RASA2: variants seen among roughly 807,000 people sequenced by gnomAD.
The protein encoded by RASA2 is ras GTPase-activating protein 2.
RASA2 carries 155 observed loss-of-function variants against 118.2 expected under a neutral mutation model. The observed-to-expected ratio is 1.31, with a 90% CI of 1.15 to 1.50. The LOEUF is 1.50. RASA2 is among the 40% of genes most tolerant of loss of function. The pLI, the probability that RASA2 is intolerant of heterozygous loss-of-function variation, is 0.00. For missense variants in RASA2, 1,016 were observed against 1,009.6 expected, an observed-to-expected ratio of 1.01 and a Z score of -0.09; for synonymous variants, 353 against 349.1, an observed-to-expected ratio of 1.01 and a Z score of -0.12.
intron 1 of RASA2, among the ~76,000 whole-genome samples, chr3:141,508,513 G>A (rs1287676596): frequency 4.6e-5 from 7 of 152,050 alleles, no homozygotes; most frequent in Admixed American, 2.6e-4. Flanking sequence ...AAGTAGCTGG[G>A]ACCACAGGCA....
intron 7 of RASA2, among the ~76,000 whole-genome samples, chr3:141,557,881 A>T (rs1315783916): frequency 6.6e-6 from 1 of 152,196 alleles, no homozygotes; most frequent in Non-Finnish European, 1.5e-5. Context: ...AAAATAGAAG[A>T]GTAGGGAAGA....
chr3:141,534,030 T>C (rs1316523208), intron 4 of RASA2, among the ~76,000 whole-genome samples: 2 of 152,216 alleles, frequency 1.3e-5, no homozygotes, highest in Non-Finnish European at 2.9e-5. Flanking sequence ...GTCCTAGTTA[T>C]CATCTATTTC....
At chr3:141,591,757 C>T (rs2083288296) in intron 19 of RASA2, among the ~76,000 whole-genome samples, 1 of 151,084 alleles carries the variant, frequency 6.6e-6, no homozygotes, top group Non-Finnish European at 1.5e-5. Context: ...CCAGCCCTAC[C>T]CTAGCTCATA....
chr3:141,557,174 A>AG (rs1412189591), intron 7 of RASA2, among the ~76,000 whole-genome samples: 2 of 152,222 alleles, frequency 1.3e-5, no homozygotes, highest in African/African-American at 4.8e-5. Context: ...CTGCTGTAGC[A>AG]GGAGTACTTG....
chr3:141,584,352 A>G lies in RASA2; in HGVS notation c.1753-1673A>G, dbSNP rs986170789. On this transcript the variant is annotated intron_variant, in intron 17 of 23. Transcript: ENST00000286364. ...TCCCAAAAAAAAAAAAAAAAAAAAA[A>G]AAAGAAAGGAAAAAGGAATCGTTCC... Among the ~76,000 whole-genome samples, 842 of 148,890 alleles carry G rather than the reference A, an allele frequency of 5.7e-3. 9 individuals are homozygous for G. Among genetic ancestry groups the G allele is most frequent in the African/African-American group, 0.02 (791 of 39,426 alleles).
intron 1 of RASA2, 116 bp downstream of exon 1, chr3:141,487,332 GGGGCCTGGGCCGGGCGCGGTTGA>G: frequency 8.6e-7 from 1 of 1,158,464 alleles, no homozygotes. Flanking sequence ...GGCCCGGGAG[GGGGCCTGGGCCGGGCGCGGTTGA>G]GGCTGGAAGG....
At chr3:141,529,680 CTTATA>C in intron 3 of RASA2, 23 bp from the exon 4 acceptor site, 1 of 1,506,144 alleles carries the variant, frequency 6.6e-7, no homozygotes, top group Non-Finnish European at 9.2e-7. Context: ...AGCATGTTTT[CTTATA>C]TTGTTTTACT....
At chr3:141,554,003 A>C in intron 6 of RASA2, 63 bp downstream of exon 6, 2 of 1,546,610 alleles carry the variant, frequency 1.3e-6, no homozygotes, top group Non-Finnish European at 1.7e-6. Context: ...AAATTTAAAA[A>C]GTAAGATTCT....
intron 1 of RASA2, among the ~76,000 whole-genome samples, chr3:141,487,688 G>A (rs933029567): frequency 6.6e-6 from 1 of 152,234 alleles, no homozygotes; most frequent in African/African-American, 2.4e-5. Flanking sequence ...TGGCGGGCTG[G>A]GAAGTGGGGC....
chr3:141,516,781 T>G (rs919722048), intron 3 of RASA2, among the ~76,000 whole-genome samples: 4 of 143,018 alleles, frequency 2.8e-5, no homozygotes, highest in Non-Finnish European at 6.1e-5. Flanking sequence ...TCTTTTTTTG[T>G]TTTTTTTTTT....
At chr3:141,519,819 C>T (rs1306963046) in intron 3 of RASA2, among the ~76,000 whole-genome samples, 3 of 151,872 alleles carry the variant, frequency 2.0e-5, no homozygotes, top group Non-Finnish European at 2.9e-5. Context: ...GAGTAAGACT[C>T]GTTGCTCATC....
intron 5 of RASA2, among the ~76,000 whole-genome samples, chr3:141,547,124 G>T (rs1336464150): frequency 6.6e-6 from 1 of 152,156 alleles, no homozygotes; most frequent in Non-Finnish European, 1.5e-5. Context: ...TTTGAAATCA[G>T]ATAATTGTGA....
intron 5 of RASA2, among the ~76,000 whole-genome samples, chr3:141,552,872 C>T (rs2082594561): frequency 6.6e-6 from 1 of 152,140 alleles, no homozygotes; most frequent in African/African-American, 2.4e-5. Context: ...TACTTTTCAG[C>T]AACACTCATG....
chr3:141,543,409 A>C (rs1299138987), intron 5 of RASA2, among the ~76,000 whole-genome samples: 2 of 152,168 alleles, frequency 1.3e-5, no homozygotes, highest in Non-Finnish European at 2.9e-5. Flanking sequence ...CAATGTTATA[A>C]TTTTTGCTTC....
At chr3:141,576,911 G>T in intron 14 of RASA2, 89 bp from the exon 15 acceptor site, 1 of 801,750 alleles carries the variant, frequency 1.2e-6, no homozygotes, top group Non-Finnish European at 1.9e-6. Flanking sequence ...TGCTCTCCTA[G>T]TTTACATGTC....
chr3:141,558,572 G>A (rs559843571), intron 7 of RASA2, among the ~76,000 whole-genome samples: 2 of 152,214 alleles, frequency 1.3e-5, no homozygotes, highest in South Asian at 2.1e-4. Flanking sequence ...AGTACAAGCT[G>A]TAAGGATGGA....
At chr3:141,544,788 G>A (rs192144091) in intron 5 of RASA2, among the ~76,000 whole-genome samples, 1 of 152,208 alleles carries the variant, frequency 6.6e-6, no homozygotes, top group East Asian at 1.9e-4. Flanking sequence ...GTACATACAT[G>A]CCATGGAATA....
chr3:141,487,593 A>C (rs1197319229), intron 1 of RASA2, among the ~76,000 whole-genome samples: 1 of 151,312 alleles, frequency 6.6e-6, no homozygotes, highest in Non-Finnish European at 1.5e-5. Flanking sequence ...CCTCAGACTC[A>C]GGCCTTCGCG....
chr3:141,573,365 C>CCAGCT lies in RASA2; in HGVS notation c.1359+146_1359+150dup, dbSNP rs569988851. On this transcript the variant is annotated intron_variant, in intron 13 of 23. Transcript: ENST00000286364. ...TAAGCCTTTATTATTAGCAGCACTT[C>CCAGCT]CAGCTCCTAGGATTAGTTTTTAGAA... is the stretch of plus-strand genomic sequence containing the variant. 168 of 844,716 alleles carry CCAGCT rather than the reference C, an allele frequency of 2.0e-4. 3 individuals are homozygous for CCAGCT. The South Asian group carries it at 5.1e-3, about 26-fold the overall frequency. The allele number at this position is 844,716 out of a possible 1,614,324, so 52.3% of individuals were successfully genotyped here.
Sources: allele counts gnomAD v4.1 joint callset (sites outside exome capture counted in the v4.1 genomes callset), GRCh38; gene constraint gnomAD v4.1.1; transcripts MANE v1.5; gene names NCBI Gene and HGNC (gene_info 2026-07-23, HGNC 2026-07-21).